Variants in TDRP observed in about 807,000 individuals in gnomAD.
The protein encoded by TDRP is testis development-related protein.
TDRP carries 12 observed loss-of-function variants against 10.5 expected under a neutral mutation model. The ratio of observed to expected loss-of-function variants is 1.15; its 90% CI spans 0.73 to 1.86. The LOEUF is 1.86. Ranked by LOEUF, TDRP falls within the 40% of genes most tolerant of loss-of-function variation. The pLI, the probability that TDRP is intolerant of heterozygous loss-of-function variation, is 0.00. For synonymous variants in TDRP, 139 were observed against 95.4 expected, an observed-to-expected ratio of 1.46 and a Z score of -2.67; for missense variants, 353 against 229.2, an observed-to-expected ratio of 1.54 and a Z score of -3.49.
intron 1 of TDRP, among the ~76,000 whole-genome samples, chr8:499,195 T>C (rs916311326): frequency 2.0e-5 from 3 of 151,804 alleles, no homozygotes; most frequent in Non-Finnish European, 4.4e-5. Context: ...GCCAAAAAAA[T>C]AGTCTCTAGT....
Position 521,244 on chromosome 8 carries a change from TCC to T in TDRP, c.108+23404_108+23405del, listed in dbSNP as rs773064643. Among the ~76,000 whole-genome samples the T allele has an allele frequency of 2.6e-3, 197 of 74,386 alleles. 2 individuals carry two copies. Among genetic ancestry groups the T allele is most frequent in the South Asian group, 9.5e-3 (18 of 1,902 alleles). The allele number at this position is 74,386 out of a possible 152,430, so 48.8% of individuals were successfully genotyped here. A position where few individuals can be genotyped will look rare whatever the true frequency, so the allele number is the denominator to read the frequency against. On this transcript the variant is annotated intron_variant, in intron 1 of 2. Transcript: ENST00000324079. The stretch of plus-strand genomic sequence containing the variant: ...GGTCAAACCCCGTCTCTACTAAAAA[TCC>T]AAAAAAAAAAAAAAAAAAAAAATAG...
rs935027925 is a variant in TDRP at position 518,510 on chromosome 8, T to C, written c.109-23913A>G. On this transcript the variant is annotated intron_variant, in intron 1 of 2. Transcript: ENST00000324079. The stretch of plus-strand genomic sequence containing the variant: ...GGAAAACCCAACAAACCCATGTATA[T>C]AGAGATTTTAGTATACAGTAAGAGG... 4.6e-5 allele frequency among the ~76,000 whole-genome samples: 7 copies of C among 152,128 alleles called. No individual in the cohort carries two copies. In the East Asian group the frequency reaches 7.7e-4, roughly 17 times the overall value.
chr8:545,144 A>T (rs1264894481), upstream of TDRP: 1 of 52,308 alleles, frequency 1.9e-5, no homozygotes, highest in Non-Finnish European at 3.5e-5. Flanking sequence ...CCCTCCTCCC[A>T]GTGTGGTCCC....
Position 491,273 on chromosome 8 carries a change from C to G in TDRP, c.*1126G>C, listed in dbSNP as rs1162160436. ...CAGTGTAACTGGAGGTTTTATTTTA[C>G]TTTTAAACAAAAAAGAAAAATATAC... On this transcript the variant is annotated 3_prime_UTR_variant, in exon 3 of 3. Coordinates refer to ENST00000324079, the MANE Select transcript of TDRP (RefSeq NM_001384899.1). 5.0e-6 allele frequency: 1 copy of G among 199,864 alleles called. No individual in the cohort carries two copies. Among genetic ancestry groups the G allele is most frequent in the African/African-American group, 2.3e-5 (1 of 43,622 alleles). 12.4% of individuals were successfully genotyped at this position (199,864 alleles called of 1,614,324 possible). A position where few individuals can be genotyped will look rare whatever the true frequency, so the allele number is the denominator to read the frequency against.
intron 1 of TDRP, among the ~76,000 whole-genome samples, chr8:510,549 C>A (rs546893803): frequency 1.1e-4 from 16 of 152,108 alleles, no homozygotes; most frequent in Non-Finnish European, 4.4e-5. Context: ...TCAGTAAAAA[C>A]AATGAATGCC....
chr8:522,949 T>A (rs1464372019), intron 1 of TDRP, among the ~76,000 whole-genome samples: 1 of 152,152 alleles, frequency 6.6e-6, no homozygotes, highest in African/African-American at 2.4e-5. Context: ...TGGCATGTGA[T>A]TGGATCTTTT....
intron 1 of TDRP, among the ~76,000 whole-genome samples, chr8:509,835 C>T (rs115300584): frequency 6.6e-5 from 10 of 152,144 alleles, no homozygotes; most frequent in Non-Finnish European, 1.0e-4. Flanking sequence ...CAAACTTTGA[C>T]GCCTGTTTCC....
intron 1 of TDRP, among the ~76,000 whole-genome samples, chr8:505,751 G>C (rs927938554): frequency 2.0e-5 from 3 of 152,214 alleles, no homozygotes; most frequent in Non-Finnish European, 2.9e-5. Context: ...TACCAGAAGA[G>C]AAATCGTGAG....
chr8:514,847 A>C lies in TDRP; in HGVS notation c.109-20250T>G, dbSNP rs567200390. ...AGCCTCCTCCCACCCTGGTCCTCCAAGGAATGGCACCAACAGGCAGGAGAG... is the reference window on the plus strand; with the variant it reads ...AGCCTCCTCCCACCCTGGTCCTCCACGGAATGGCACCAACAGGCAGGAGAG... On this transcript the variant is annotated intron_variant, in intron 1 of 2. Coordinates refer to ENST00000324079, the MANE Select transcript of TDRP (RefSeq NM_001384899.1). Among the ~76,000 whole-genome samples, 3 of 152,256 alleles carry C rather than the reference A, an allele frequency of 2.0e-5. No homozygotes were observed. The South Asian group carries it at 6.2e-4, about 32-fold the overall frequency.
chr8:543,158 T>C (rs554980562), intron 1 of TDRP, among the ~76,000 whole-genome samples: 12 of 151,814 alleles, frequency 7.9e-5, no homozygotes, highest in African/African-American at 2.9e-4. Flanking sequence ...AACGGTTTTT[T>C]AAAATTAGCC....
intron 1 of TDRP, among the ~76,000 whole-genome samples, chr8:498,827 C>T (rs111582725): frequency 6.6e-6 from 1 of 152,076 alleles, no homozygotes; most frequent in Non-Finnish European, 1.5e-5. Context: ...CCTTGCTGTT[C>T]TTGTGATAGT....
intron 1 of TDRP, among the ~76,000 whole-genome samples, chr8:524,435 C>G (rs1485924807): frequency 6.6e-6 from 1 of 151,874 alleles, no homozygotes; most frequent in Non-Finnish European, 1.5e-5. Context: ...AAAACATAAC[C>G]TCACCAAACA....
chr8:522,255 T>C (rs533011969), intron 1 of TDRP, among the ~76,000 whole-genome samples: 7 of 152,228 alleles, frequency 4.6e-5, no homozygotes, highest in Non-Finnish European at 8.8e-5. Flanking sequence ...CCGTTATATC[T>C]TCCTGGTGAA....
chr8:530,043 T>C lies in TDRP; in HGVS notation c.108+14607A>G, dbSNP rs192891092. Among the ~76,000 whole-genome samples, 274 of 152,018 alleles carry C rather than the reference T, an allele frequency of 1.8e-3. 1 individual carries two copies. The highest frequency in any genetic ancestry group is 6.5e-3 in the African/African-American group (268 of 41,294). ...ACTCAATGGTGTGCCATAAATCCCT[T>C]AGGCTTTACTTTTCATTTTTTTTTT... On this transcript the variant is annotated intron_variant, in intron 1 of 2. Transcript: ENST00000324079.
chr8:543,078 C>G (rs539243959), intron 1 of TDRP, among the ~76,000 whole-genome samples: 5 of 152,018 alleles, frequency 3.3e-5, no homozygotes, highest in East Asian at 1.9e-4. Context: ...GAGGCTGAGG[C>G]GGGCGGATCA....
At position 492,119 on chromosome 8, in the gene TDRP, T is replaced by C. The variant is rs1380240808; in HGVS notation, c.*280A>G. 1.7e-5 allele frequency: 21 copies of C among 1,229,202 alleles called. No individual in the cohort carries two copies. The highest frequency in any genetic ancestry group is 3.7e-5 in the South Asian group (1 of 27,102). The allele number at this position is 1,229,202 out of a possible 1,614,324, so 76.1% of individuals were successfully genotyped here. A position where few individuals can be genotyped will look rare whatever the true frequency, so the allele number is the denominator to read the frequency against. On this transcript the variant is annotated 3_prime_UTR_variant, in exon 3 of 3. Coordinates refer to ENST00000324079, the MANE Select transcript of TDRP (RefSeq NM_001384899.1). ...ACTGCAAATCATTACTGCTGTATTA[T>C]GGGAGAGCATCATAAATTCACATCT...
chr8:497,570 A>G (rs1029723099), intron 1 of TDRP, among the ~76,000 whole-genome samples: 2 of 152,228 alleles, frequency 1.3e-5, no homozygotes, highest in African/African-American at 4.8e-5. Flanking sequence ...ACAAGTTTGG[A>G]AAATTTGCAG....
chr8:520,719 C>T (rs1431535786), intron 1 of TDRP, among the ~76,000 whole-genome samples: 7 of 152,246 alleles, frequency 4.6e-5, no homozygotes, highest in Non-Finnish European at 8.8e-5. Context: ...TTTTCATATG[C>T]TTATAGGTCA....
At chr8:531,718 T>A (rs956701495) in intron 1 of TDRP, among the ~76,000 whole-genome samples, 3 of 152,220 alleles carry the variant, frequency 2.0e-5, no homozygotes, top group Admixed American at 1.3e-4. Context: ...CTTCATTTTT[T>A]AAAAATATCA....
Sources: gnomAD v4.1 joint callset for allele counts (sites outside exome capture counted in the v4.1 genomes callset) on GRCh38, gnomAD v4.1.1 for gene constraint, MANE v1.5 for transcripts, NCBI Gene and HGNC (gene_info 2026-07-23, HGNC 2026-07-21) for gene names.